The following FAM72B variants were observed in gnomAD, a reference collection of about 807,000 sequenced individuals.
The protein encoded by FAM72B is RUMY family member 2, also known as protein FAM72B.
A neutral mutation model predicts 12.6 loss-of-function variants in FAM72B; 4 were observed. The observed-to-expected ratio is 0.32, with a 90% CI of 0.16 to 0.73. FAM72B has a LOEUF of 0.73. FAM72B is among the 30% of genes least tolerant of loss of function. FAM72B has a pLI of 0.67. For missense variants in FAM72B, 61 were observed against 158.4 expected (o/e 0.39, Z 3.30); for synonymous variants, 13 against 53.9 (o/e 0.24, Z 3.32).
Position 121,168,441 on chromosome 1 carries a change from C to A in FAM72B, c.*300G>T. 4.9e-6 allele frequency: 1 copy of A among 204,068 alleles called. No individual in the cohort carries two copies. The allele number at this position is 204,068 out of a possible 1,614,324, so 12.6% of individuals were successfully genotyped here. A position where few individuals can be genotyped will look rare whatever the true frequency, so the allele number is the denominator to read the frequency against. ...CTGGTATCAAGTTGTAAGAAAAACT[C>A]CCCCAGATTGGGAGGTAACTGAGTG... On this transcript the variant is annotated 3_prime_UTR_variant, in exon 4 of 4. Transcript: ENST00000369390.
intron 2 of FAM72B, among the ~76,000 whole-genome samples, chr1:121,180,741 C>T (rs1558070941): frequency 6.6e-6 from 1 of 151,176 alleles, no homozygotes; most frequent in African/African-American, 2.4e-5. Context: ...TGCCTGTAGT[C>T]CCAGCTACTC....
Position 121,168,788 on chromosome 1 carries a change from T to A in FAM72B, c.403A>T (p.Thr135Ser). 6.2e-7 allele frequency: 1 copy of A among 1,607,038 alleles called. No individual in the cohort carries two copies. Among genetic ancestry groups the A allele is most frequent in the Admixed American group, 1.7e-5 (1 of 58,790 alleles). ...GAGATATTTAACACATCTTCATCTG[T>A]ACTCTCTTCTATCTCTGGCAAGTTG... The part of the protein sequence containing the change: ...WGNLPEIEES[T>S]DEDVLNISAE... Residue 135 changes from threonine (T) to serine (S), a missense_variant, in exon 4 of 4, where the codon ACA becomes TCA. Thr to Ser is a moderately conservative substitution (Grantham distance 58, BLOSUM62 1). Around this residue, in one of 2 missense-constraint regions of FAM72B, gnomAD observed 49 missense variants for 80.4 expected, o/e 0.61. Coordinates refer to ENST00000369390, the MANE Select transcript of FAM72B (RefSeq NM_001100910.2).
chr1:121,175,152 A>G (rs1654188596), intron 3 of FAM72B, among the ~76,000 whole-genome samples: 1 of 152,170 alleles, frequency 6.6e-6, no homozygotes, highest in Non-Finnish European at 1.5e-5. Flanking sequence ...CTTAGGAATT[A>G]TGCCAAATAT....
intron 3 of FAM72B, among the ~76,000 whole-genome samples, chr1:121,175,105 T>A (rs2101320731): frequency 6.6e-6 from 1 of 152,262 alleles, no homozygotes; most frequent in East Asian, 1.9e-4. Flanking sequence ...TTAAGTTGAA[T>A]CCAATGCTCA....
intron 3 of FAM72B, among the ~76,000 whole-genome samples, chr1:121,174,238 A>G (rs1654159308): frequency 6.6e-6 from 1 of 150,404 alleles, no homozygotes; most frequent in Non-Finnish European, 1.5e-5. Context: ...GAAAGAAGCC[A>G]TTTCTATAAC....
At chr1:121,169,544 C>T (rs1448733871) in intron 3 of FAM72B, among the ~76,000 whole-genome samples, 47 of 151,806 alleles carry the variant, frequency 3.1e-4, no homozygotes, top group Non-Finnish European at 5.3e-4. Flanking sequence ...AGATTAAATG[C>T]CTCTTTGGAG....
chr1:121,169,073 G>T (rs1654036244), intron 3 of FAM72B, among the ~76,000 whole-genome samples: 1 of 150,046 alleles, frequency 6.7e-6, no homozygotes, highest in African/African-American at 2.5e-5. Context: ...GGAGTGCCTG[G>T]CAGGATCACG....
chr1:121,168,759 T>G lies in FAM72B; in HGVS notation c.432A>C (p.Ala144=), dbSNP rs200452727. 1,016 of 1,596,468 alleles carry G rather than the reference T, an allele frequency of 6.4e-4. 2 individuals are homozygous for G. The highest frequency in any genetic ancestry group is 8.1e-4 in the Non-Finnish European group (956 of 1,175,456). ...ATTCCATTTATCTAATACACTCCTC[T>G]GCTGAGATATTTAACACATCTTCAT... ...STDEDVLNIS[A]EECIR The change falls in exon 4 of 4, where the codon GCA becomes GCC. Residue 144 remains alanine, a synonymous_variant. Coordinates refer to ENST00000369390, the MANE Select transcript of FAM72B (RefSeq NM_001100910.2).
At position 121,168,543 on chromosome 1, in the gene FAM72B, G is replaced by C; in HGVS notation, c.*198C>G. On this transcript the variant is annotated 3_prime_UTR_variant, in exon 4 of 4. Coordinates refer to ENST00000369390, the MANE Select transcript of FAM72B (RefSeq NM_001100910.2). The stretch of plus-strand genomic sequence containing the variant: ...AGAAAAAGGTGGGGGAGAGGAAGTA[G>C]AAGTAGAGGAAAAGCACAACTCCAC... 2.0e-6 allele frequency: 1 copy of C among 506,592 alleles called. No homozygotes were observed. Among genetic ancestry groups the C allele is most frequent in the Non-Finnish European group, 3.4e-6 (1 of 294,120 alleles). The allele number at this position is 506,592 out of a possible 1,614,324, so 31.4% of individuals were successfully genotyped here. A position where few individuals can be genotyped will look rare whatever the true frequency, so the allele number is the denominator to read the frequency against.
chr1:121,174,799 C>T, intron 3 of FAM72B, among the ~76,000 whole-genome samples: 1 of 141,266 alleles, frequency 7.1e-6, no homozygotes, highest in East Asian at 2.2e-4. Flanking sequence ...TGGGCATGTA[C>T]CACCATGCCC....
intron 2 of FAM72B, among the ~76,000 whole-genome samples, chr1:121,179,317 G>A (rs1238764928): frequency 6.6e-6 from 1 of 151,940 alleles, no homozygotes; most frequent in Non-Finnish European, 1.5e-5. Context: ...GACGGAGGTT[G>A]CAGTGAGCCA....
At chr1:121,174,707 G>T in intron 3 of FAM72B, among the ~76,000 whole-genome samples, 1 of 146,730 alleles carries the variant, frequency 6.8e-6, no homozygotes, top group East Asian at 2.0e-4. Flanking sequence ...TTTCACTCTT[G>T]GTGCAATGGT....
chr1:121,170,051 A>G (rs1553315993), intron 3 of FAM72B, among the ~76,000 whole-genome samples: 1 of 152,060 alleles, frequency 6.6e-6, no homozygotes, highest in Non-Finnish European at 1.5e-5. Context: ...GCTCACTGCA[A>G]CCTCTGCCTC....
intron 3 of FAM72B, among the ~76,000 whole-genome samples, chr1:121,169,105 CAGCCTGAA>C (rs1654037226): frequency 2.4e-4 from 36 of 148,194 alleles, no homozygotes; most frequent in African/African-American, 8.8e-4. Context: ...CAGATCACTG[CAGCCTGAA>C]CCTCCAGGGC....
chr1:121,179,579 G>A (rs1199397364), intron 2 of FAM72B, among the ~76,000 whole-genome samples: 1 of 152,100 alleles, frequency 6.6e-6, no homozygotes, highest in Non-Finnish European at 1.5e-5. Flanking sequence ...TGTAATCCTA[G>A]CACTTAGGGA....
chr1:121,179,822 C>A (rs1654294430), intron 2 of FAM72B, among the ~76,000 whole-genome samples: 1 of 140,282 alleles, frequency 7.1e-6, no homozygotes, highest in South Asian at 2.2e-4. Flanking sequence ...AGCAAAACTC[C>A]GTCTTAAAAA....
chr1:121,183,649 C>T lies in FAM72B; in HGVS notation c.-160G>A, dbSNP rs1654389485. On this transcript the variant is annotated 5_prime_UTR_variant, in exon 1 of 4. Coordinates refer to ENST00000369390, the MANE Select transcript of FAM72B (RefSeq NM_001100910.2). ...AATTAGTTTTTTTTTTCTGTTTTCC[C>T]GGTGGCGGAGTAGAAGAAGTATTTA... 2.7e-6 allele frequency: 4 copies of T among 1,489,986 alleles called. No homozygotes were observed. Among genetic ancestry groups the T allele is most frequent in the African/African-American group, 2.8e-5 (2 of 70,866 alleles). The allele number at this position is 1,489,986 out of a possible 1,614,324, so 92.3% of individuals were successfully genotyped here. A position where few individuals can be genotyped will look rare whatever the true frequency, so the allele number is the denominator to read the frequency against.
At chr1:121,179,298 A>G (rs1457605204) in intron 2 of FAM72B, among the ~76,000 whole-genome samples, 1 of 151,584 alleles carries the variant, frequency 6.6e-6, no homozygotes, top group East Asian at 2.0e-4. Context: ...GAATCACTTG[A>G]ACCCAGAAGA....
Position 121,168,753 on chromosome 1 carries a change from C to T in FAM72B, c.438G>A (p.Glu146=), listed in dbSNP as rs1553315721. 2 of 1,584,428 alleles carry T rather than the reference C, an allele frequency of 1.3e-6. No homozygotes were observed. The highest frequency in any genetic ancestry group is 3.9e-5 in the Admixed American group (2 of 51,850). Residue 146 remains glutamate, a synonymous_variant, in exon 4 of 4, where the codon GAG becomes GAA. Transcript: ENST00000369390. ...ATCATAATTCCATTTATCTAATACACTCCTCTGCTGAGATATTTAACACAT... is the reference window on the plus strand; with the variant it reads ...ATCATAATTCCATTTATCTAATACATTCCTCTGCTGAGATATTTAACACAT... The part of the protein sequence containing the change: ...DEDVLNISAE[E]CIR
Sources: gnomAD v4.1 joint callset for allele counts (sites outside exome capture counted in the v4.1 genomes callset) on GRCh38, gnomAD v4.1.1 for gene constraint, gnomAD v4.1.1 regional missense constraint, MANE v1.5 for transcripts, NCBI Gene and HGNC (gene_info 2026-07-23, HGNC 2026-07-21) for gene names.